NALCN: variants seen among roughly 807,000 people sequenced by gnomAD.
The protein encoded by NALCN is sodium leak channel, non-selective, also known as sodium leak channel NALCN.
In NALCN, 111 loss-of-function variants were observed where a neutral mutation model predicts 225.3. The ratio of observed to expected loss-of-function variants is 0.49; its 90% CI spans 0.42 to 0.58. The LOEUF (loss-of-function observed/expected upper bound fraction) is 0.58. Among genes scored for constraint, NALCN ranks in the 20% least tolerant of loss-of-function variants. The probability of loss-of-function intolerance (pLI) is 0.00; values close to 1 mark genes in which losing one functional copy is unlikely to be tolerated. For missense variants in NALCN, 1,378 were observed against 2,202.4 expected, an observed-to-expected ratio of 0.63 and a Z score of 7.49; for synonymous variants, 764 against 769.0, an observed-to-expected ratio of 0.99 and a Z score of 0.11.
At chr13:101,383,432 A>G (rs1042182373) in intron 3 of NALCN, among the ~76,000 whole-genome samples, 1 of 152,120 alleles carries the variant, frequency 6.6e-6, no homozygotes, top group Non-Finnish European at 1.5e-5. Context: ...TCTATCTCTC[A>G]TGGTAAATGT....
intron 18 of NALCN, among the ~76,000 whole-genome samples, chr13:101,114,025 C>T (rs937248961): frequency 6.6e-6 from 1 of 152,120 alleles, no homozygotes; most frequent in Non-Finnish European, 1.5e-5. Flanking sequence ...TGTGTGACCC[C>T]ATCCCTAACT....
intron 13 of NALCN, among the ~76,000 whole-genome samples, chr13:101,203,529 G>C (rs2040205656): frequency 6.6e-6 from 1 of 152,092 alleles, no homozygotes; most frequent in South Asian, 2.1e-4. Context: ...GAATTCCTGT[G>C]TATTCTTTAT....
chr13:101,308,298 G>T (rs528146960), intron 7 of NALCN, among the ~76,000 whole-genome samples: 2 of 152,298 alleles, frequency 1.3e-5, no homozygotes, highest in African/African-American at 4.8e-5. Context: ...GCAAGGAGTT[G>T]TGGCCTTGTG....
chr13:101,331,959 T>C (rs2139237622), intron 7 of NALCN, among the ~76,000 whole-genome samples: 1 of 152,282 alleles, frequency 6.6e-6, no homozygotes, highest in South Asian at 2.1e-4. Flanking sequence ...TCTACTTACT[T>C]GTTGCCAGTA....
chr13:101,152,277 C>T (rs566159291), intron 15 of NALCN, among the ~76,000 whole-genome samples: 6 of 152,234 alleles, frequency 3.9e-5, no homozygotes, highest in South Asian at 2.1e-4. Context: ...GTTACTCATT[C>T]GTCCAAGCAG....
At chr13:101,072,084 A>G (rs985123634) in intron 37 of NALCN, among the ~76,000 whole-genome samples, 1 of 152,246 alleles carries the variant, frequency 6.6e-6, no homozygotes, top group African/African-American at 2.4e-5. Context: ...ACCCCTCAAA[A>G]AAAACTACAA....
chr13:101,167,016 T>C lies in NALCN; in HGVS notation c.1839+9284A>G, dbSNP rs1046789496. 3.9e-5 allele frequency among the ~76,000 whole-genome samples: 6 copies of C among 152,208 alleles called. No homozygotes were observed. In the South Asian group the frequency reaches 1.0e-3, roughly 26 times the overall value. On this transcript the variant is annotated intron_variant, in intron 15 of 43. Coordinates refer to ENST00000251127, the MANE Select transcript of NALCN (RefSeq NM_052867.4). Reference sequence around the variant, plus strand: ...GTCTTGACACCACTGTTGAAGATCATGTGACTATATATGTGAGGGTTTACT... The same window carrying C: ...GTCTTGACACCACTGTTGAAGATCACGTGACTATATATGTGAGGGTTTACT...
chr13:101,226,317 C>T (rs2041139487), intron 13 of NALCN, among the ~76,000 whole-genome samples: 1 of 152,126 alleles, frequency 6.6e-6, no homozygotes, highest in South Asian at 2.1e-4. Flanking sequence ...CATTCCGAAC[C>T]TGCGATAAGC....
At chr13:101,398,359 T>C (rs2139504660) in intron 2 of NALCN, among the ~76,000 whole-genome samples, 1 of 152,226 alleles carries the variant, frequency 6.6e-6, no homozygotes, top group Non-Finnish European at 1.5e-5. Context: ...CCATTTCCTT[T>C]TGTTACTTCA....
rs776128344 is a variant in NALCN, at chr13:101,081,566, C to T, written c.3846G>A (p.Ser1282=). The change falls in exon 34 of 44, where the codon TCG becomes TCA. Residue 1282 remains serine (S), a synonymous_variant. Coordinates refer to ENST00000251127, the MANE Select transcript of NALCN (RefSeq NM_052867.4). ...GAAGCACCACCCATACAACGCCAAGCGACGTCACCAGGAGATCGTATCGGT... is the reference window on the plus strand; with the variant it reads ...GAAGCACCACCCATACAACGCCAAGTGACGTCACCAGGAGATCGTATCGGT... ...RRNRYDLLVT[S]LGVVWVVLHF... is the part of the protein sequence containing the mutation. 44 of 1,613,992 alleles carry T rather than the reference C, an allele frequency of 2.7e-5. No homozygotes were observed. The highest frequency in any genetic ancestry group is 1.6e-4 in the East Asian group (7 of 44,870).
chr13:101,189,452 A>G (rs1334096468), intron 14 of NALCN, among the ~76,000 whole-genome samples: 1 of 152,210 alleles, frequency 6.6e-6, no homozygotes, highest in Non-Finnish European at 1.5e-5. Flanking sequence ...GTGCTCTAAA[A>G]CATCCTCAGA....
At chr13:101,185,713 G>A (rs1481996441) in intron 14 of NALCN, among the ~76,000 whole-genome samples, 1 of 152,130 alleles carries the variant, frequency 6.6e-6, no homozygotes, top group Non-Finnish European at 1.5e-5. Flanking sequence ...TGCCCCCAGG[G>A]GTGATGAAAT....
At chr13:101,363,030 TA>T (rs1411070977) in intron 6 of NALCN, among the ~76,000 whole-genome samples, 2 of 151,880 alleles carry the variant, frequency 1.3e-5, no homozygotes, top group Non-Finnish European at 2.9e-5. Context: ...TAATTGTGAC[TA>T]AAGAAGTGAA....
intron 13 of NALCN, among the ~76,000 whole-genome samples, chr13:101,207,263 T>G (rs1038084340): frequency 6.6e-6 from 1 of 152,232 alleles, no homozygotes; most frequent in Non-Finnish European, 1.5e-5. Context: ...GCAGTGTGCA[T>G]TGTTGATAAC....
intron 42 of NALCN, 66 bp from the exon 43 acceptor site, chr13:101,058,122 A>G: frequency 7.3e-7 from 1 of 1,376,648 alleles, no homozygotes; most frequent in Non-Finnish European, 1.0e-6. Context: ...TTTTACTATA[A>G]GAAAGGAAAA....
intron 10 of NALCN, among the ~76,000 whole-genome samples, chr13:101,279,297 T>C (rs1249588295): frequency 6.6e-6 from 1 of 152,186 alleles, no homozygotes; most frequent in Non-Finnish European, 1.5e-5. Context: ...GGAAACATTC[T>C]GTGAAAATGT....
At chr13:101,200,107 C>G (rs1165474724) in intron 13 of NALCN, among the ~76,000 whole-genome samples, 1 of 152,032 alleles carries the variant, frequency 6.6e-6, no homozygotes, top group Non-Finnish European at 1.5e-5. Context: ...AGTTATATTT[C>G]CAGCCCCACC....
At chr13:101,141,759 C>T (rs561179352) in intron 17 of NALCN, among the ~76,000 whole-genome samples, 4 of 151,880 alleles carry the variant, frequency 2.6e-5, no homozygotes, top group African/African-American at 2.4e-5. Flanking sequence ...GGAAAGAAAG[C>T]GGAGAGAAAG....
intron 28 of NALCN, among the ~76,000 whole-genome samples, chr13:101,095,117 C>A (rs758246678): frequency 2.0e-5 from 3 of 152,062 alleles, no homozygotes; most frequent in Admixed American, 6.6e-5. Flanking sequence ...ACTGATTATT[C>A]CTCTCTAGTG....
Sources: allele counts gnomAD v4.1 joint callset (sites outside exome capture counted in the v4.1 genomes callset), GRCh38; gene constraint gnomAD v4.1.1; transcripts MANE v1.5; gene names NCBI Gene and HGNC (gene_info 2026-07-23, HGNC 2026-07-21).